Variants in STXBP5L observed in about 807,000 individuals in gnomAD.
STXBP5L encodes the protein syntaxin-binding protein 5-like.
A neutral mutation model predicts 144.5 loss-of-function variants in STXBP5L; 65 were observed. That is an observed-to-expected ratio of 0.45 (90% CI 0.37 to 0.55). The LOEUF (loss-of-function observed/expected upper bound fraction) is 0.55. Ranked by LOEUF, STXBP5L falls within the 20% of genes least tolerant of loss-of-function variation. STXBP5L has a pLI of 0.00. For missense variants in STXBP5L, 1,298 were observed against 1,405.5 expected, an observed-to-expected ratio of 0.92 and a Z score of 1.22; for synonymous variants, 505 against 469.6, an observed-to-expected ratio of 1.08 and a Z score of -0.97.
chr3:120,909,409 T>G (rs985184689), intron 1 of STXBP5L, among the ~76,000 whole-genome samples, 162 bp from the exon 2 acceptor site: 1 of 152,202 alleles, frequency 6.6e-6, no homozygotes, highest in African/African-American at 2.4e-5. Flanking sequence ...AGAATTAAAA[T>G]TTGGCAAAAC....
intron 9 of STXBP5L, among the ~76,000 whole-genome samples, chr3:121,181,492 G>A (rs919617111): frequency 6.6e-6 from 1 of 152,234 alleles, no homozygotes; most frequent in African/African-American, 2.4e-5. Flanking sequence ...CCAGCACTTT[G>A]GGAGACCAAG....
intron 5 of STXBP5L, among the ~76,000 whole-genome samples, chr3:121,049,091 G>A (rs1947745185): frequency 6.6e-6 from 1 of 151,944 alleles, no homozygotes; most frequent in African/African-American, 2.4e-5. Flanking sequence ...GGTAGGGGGT[G>A]GCTAGAGACC....
In STXBP5L at chr3:121,088,960, G is replaced by A. The variant is rs1397895070; in HGVS notation, c.471-25965G>A. Among the ~76,000 whole-genome samples, 3 of 84,980 alleles carry A rather than the reference G, an allele frequency of 3.5e-5. No homozygotes were observed. In the Admixed American group the frequency reaches 4.1e-4, roughly 12 times the overall value. 55.8% of individuals were successfully genotyped at this position (84,980 alleles called of 152,430 possible). A position where few individuals can be genotyped will look rare whatever the true frequency, so the allele number is the denominator to read the frequency against. On this transcript the variant is annotated intron_variant, in intron 5 of 26. Coordinates refer to ENST00000471454, the MANE Select transcript of STXBP5L (RefSeq NM_001308330.2). ...ACTGTGGTGGGGTCGGGGGAGGGGG[G>A]AGGGATAGCATTGGGAGATATACCT...
At chr3:121,028,994 G>T (rs1429054535) in intron 3 of STXBP5L, among the ~76,000 whole-genome samples, 1 of 152,090 alleles carries the variant, frequency 6.6e-6, no homozygotes, top group Admixed American at 6.6e-5. Flanking sequence ...ACCTCTTCAA[G>T]ACGAACTACA....
Position 121,018,304 on chromosome 3 carries a change from T to C in STXBP5L, c.288-23396T>C, listed in dbSNP as rs940682060. Reference sequence around the variant, plus strand: ...AGGAGAGCAGTTGGGAGACTGTCATTACTGGACTTCAAGTCTTATTATAAA... The same window carrying C: ...AGGAGAGCAGTTGGGAGACTGTCATCACTGGACTTCAAGTCTTATTATAAA... On this transcript the variant is annotated intron_variant, in intron 3 of 26. Transcript: ENST00000471454. 2.6e-5 allele frequency among the ~76,000 whole-genome samples: 4 copies of C among 152,260 alleles called. 1 individual carries two copies. Among genetic ancestry groups the C allele is most frequent in the East Asian group, 3.9e-4 (2 of 5,186 alleles).
chr3:120,956,559 T>C (rs1938059184), intron 3 of STXBP5L, among the ~76,000 whole-genome samples: 1 of 151,978 alleles, frequency 6.6e-6, no homozygotes, highest in Non-Finnish European at 1.5e-5. Context: ...ATATCACATT[T>C]TGATATCTGT....
At chr3:121,176,407 A>G (rs1268283044) in intron 9 of STXBP5L, among the ~76,000 whole-genome samples, 1 of 151,586 alleles carries the variant, frequency 6.6e-6, no homozygotes, top group Non-Finnish European at 1.5e-5. Flanking sequence ...AAAATTAAAG[A>G]CAAAAAGAAA....
At chr3:120,935,070 G>GT (rs1277608071) in intron 2 of STXBP5L, among the ~76,000 whole-genome samples, 48 of 149,198 alleles carry the variant, frequency 3.2e-4, no homozygotes, top group South Asian at 2.1e-3. Context: ...GTTCTTTCTG[G>GT]TTTTTTTTTG....
intron 6 of STXBP5L, among the ~76,000 whole-genome samples, chr3:121,116,893 C>T (rs2044254160): frequency 6.6e-6 from 1 of 151,866 alleles, no homozygotes; most frequent in Non-Finnish European, 1.5e-5. Context: ...AGTTATAAAA[C>T]TTTTAAATAA....
intron 3 of STXBP5L, among the ~76,000 whole-genome samples, chr3:121,032,053 T>G (rs1287809076): frequency 6.6e-6 from 1 of 152,092 alleles, no homozygotes; most frequent in Non-Finnish European, 1.5e-5. Context: ...TTTAGATACA[T>G]TTTCTGAAAT....
intron 5 of STXBP5L, among the ~76,000 whole-genome samples, chr3:121,090,756 T>C (rs2042740079): frequency 6.6e-6 from 1 of 151,508 alleles, no homozygotes; most frequent in Non-Finnish European, 1.5e-5. Context: ...GTGCCTCAGA[T>C]GGTATGAATT....
chr3:121,065,142 T>C (rs560117766), intron 5 of STXBP5L, among the ~76,000 whole-genome samples: 1 of 152,270 alleles, frequency 6.6e-6, no homozygotes, highest in African/African-American at 2.4e-5. Context: ...GATCCACTGT[T>C]GATGGGCACT....
chr3:121,134,411 T>C (rs2045145483), intron 7 of STXBP5L, among the ~76,000 whole-genome samples: 2 of 152,310 alleles, frequency 1.3e-5, no homozygotes, highest in South Asian at 4.1e-4. Flanking sequence ...AAATTTCTTT[T>C]TTTTTAATTA....
intron 5 of STXBP5L, among the ~76,000 whole-genome samples, chr3:121,097,994 G>GT (rs1408748699): frequency 2.0e-5 from 3 of 152,050 alleles, no homozygotes; most frequent in Non-Finnish European, 4.4e-5. Context: ...TTGTTAAACA[G>GT]TTTTTCAATC....
chr3:121,381,271 T>G (rs756697817), intron 21 of STXBP5L, 22 bp from the exon 22 acceptor site: 58 of 1,421,426 alleles, frequency 4.1e-5, no homozygotes, highest in Admixed American at 3.2e-4. Context: ...TTTGTGTGGT[T>G]TTTTTTTATT....
intron 19 of STXBP5L, among the ~76,000 whole-genome samples, chr3:121,297,741 G>T (rs1263298758): frequency 6.6e-6 from 1 of 152,188 alleles, no homozygotes; most frequent in Non-Finnish European, 1.5e-5. Flanking sequence ...GCGACAGAGT[G>T]AGACTCTGCT....
chr3:121,375,010 A>G (rs1207378155), intron 20 of STXBP5L, among the ~76,000 whole-genome samples: 2 of 44,928 alleles, frequency 4.5e-5, no homozygotes, highest in Admixed American at 5.3e-4. Context: ...GAAGACTCAG[A>G]AGGGTGGGAG....
intron 22 of STXBP5L, among the ~76,000 whole-genome samples, chr3:121,382,267 A>G (rs182884315): frequency 6.6e-6 from 1 of 152,126 alleles, no homozygotes; most frequent in Admixed American, 6.6e-5. Context: ...TTTTAAAAGG[A>G]TATATATTAT....
At chr3:121,252,625 T>C (rs555126318) in intron 15 of STXBP5L, among the ~76,000 whole-genome samples, 1 of 152,352 alleles carries the variant, frequency 6.6e-6, no homozygotes, top group South Asian at 2.1e-4. Context: ...TTGCTAACTT[T>C]GTGAAACACT....
Sources: gnomAD v4.1 joint callset for allele counts (sites outside exome capture counted in the v4.1 genomes callset) on GRCh38, gnomAD v4.1.1 for gene constraint, MANE v1.5 for transcripts, NCBI Gene and HGNC (gene_info 2026-07-23, HGNC 2026-07-21) for gene names.